Variants in GMEB2 observed in about 807,000 individuals in gnomAD.
GMEB2 encodes glucocorticoid modulatory element binding protein 2.
Under a neutral mutation model 45.7 loss-of-function variants are expected in GMEB2, and 7 were observed. That is an observed-to-expected ratio of 0.15 (90% confidence interval 0.09 to 0.29). The LOEUF (loss-of-function observed/expected upper bound fraction) is 0.29, where lower values mean the gene tolerates loss of function less well. GMEB2 is among the 10% of genes least tolerant of loss of function. The pLI is 1.00. For missense variants in GMEB2, 582 were observed against 739.2 expected (o/e 0.79, Z 2.47); for synonymous variants, 322 against 323.6 (o/e 1.00, Z 0.05).
At chr20:63,605,513 A>AC (rs2089511591) in intron 2 of GMEB2, among the ~76,000 whole-genome samples, 1 of 142,080 alleles carries the variant, frequency 7.0e-6, no homozygotes, top group African/African-American at 2.6e-5. Context: ...ACAGAGCAAG[A>AC]TGCCGTCAAA....
chr20:63,622,048 A>G (rs1166437993), intron 1 of GMEB2, among the ~76,000 whole-genome samples: 2 of 151,522 alleles, frequency 1.3e-5, no homozygotes, highest in African/African-American at 4.9e-5. Flanking sequence ...AGGATCACTT[A>G]AGCCCAGGAG....
intron 2 of GMEB2, among the ~76,000 whole-genome samples, chr20:63,606,878 C>A (rs2089523603): frequency 6.6e-6 from 1 of 152,168 alleles, no homozygotes; most frequent in African/African-American, 2.4e-5. Flanking sequence ...AGGCCACTTT[C>A]CCCTAGAGAG....
rs142645771 is a variant in GMEB2, at chr20:63,604,667, C to A, written c.229+76G>T. ...AAGACCTTGTATATCTCTGGCTGTT[C>A]CTCATTTTGAGTGCAGGACTGTCCT... On this transcript the variant is annotated intron_variant, in intron 3 of 9. Transcript: ENST00000370077. The A allele has an allele frequency of 1.1e-3, 945 of 843,106 alleles. 5 individuals carry two copies. The African/African-American group carries it at 0.014, about 13-fold the overall frequency. 52.2% of individuals were successfully genotyped at this position (843,106 alleles called of 1,614,324 possible).
chr20:63,607,000 A>G (rs949909002), intron 2 of GMEB2, among the ~76,000 whole-genome samples: 6 of 152,084 alleles, frequency 3.9e-5, no homozygotes, highest in African/African-American at 1.2e-4. Context: ...TGAGGAGGGC[A>G]CTCCGCCTGC....
rs558095422 is a variant in GMEB2 at position 63,619,912 on chromosome 20, C to T, written c.-57-458G>A. 6.6e-6 allele frequency: 1 copy of T among 152,536 alleles called. No individual in the cohort carries two copies. The highest frequency in any genetic ancestry group is 2.1e-4 in the South Asian group (1 of 4,854). The allele number at this position is 152,536 out of a possible 1,614,324, so 9.4% of individuals were successfully genotyped here. Reference sequence around the variant, plus strand: ...AACGGGAAGGGAAACCCATTCAAGACAGAAAGAGAGGAGGGAAACGCCCTG... The same window carrying T: ...AACGGGAAGGGAAACCCATTCAAGATAGAAAGAGAGGAGGGAAACGCCCTG... On this transcript the variant is annotated intron_variant, in intron 1 of 9. Transcript: ENST00000370077. This position sits in a 1 kb window ranked among gnomAD's most constrained non-coding sequence, Gnocchi z 4.6.
intron 2 of GMEB2, among the ~76,000 whole-genome samples, chr20:63,609,891 C>G (rs1475152276): frequency 2.7e-4 from 41 of 149,912 alleles, no homozygotes; most frequent in African/African-American, 9.4e-4. Context: ...CCCCTCTGAC[C>G]CACACATCCA....
intron 3 of GMEB2, 21 bp from the exon 4 acceptor site, chr20:63,603,113 A>G: frequency 1.2e-6 from 2 of 1,613,316 alleles, no homozygotes; most frequent in Admixed American, 3.3e-5. Context: ...GCACATTGAC[A>G]GGGAAGGGTA....
Position 63,589,139 on chromosome 20 carries a change from G to A in GMEB2, c.*950C>T, listed in dbSNP as rs887794890. The A allele has an allele frequency of 1.8e-5, 7 of 398,930 alleles. No individual in the cohort carries two copies. Among genetic ancestry groups the A allele is most frequent in the African/African-American group, 1.4e-4 (7 of 48,580 alleles). 24.7% of individuals were successfully genotyped at this position (398,930 alleles called of 1,614,324 possible). On this transcript the variant is annotated 3_prime_UTR_variant, in exon 10 of 10. Transcript: ENST00000370077. ...CATGGGAATCCTCGACCTCCATAGTGACTGGTTCTGTTTATGCCTCTGCCC... is the reference window on the plus strand; with the variant it reads ...CATGGGAATCCTCGACCTCCATAGTAACTGGTTCTGTTTATGCCTCTGCCC...
rs1028664747 is a variant in GMEB2, at chr20:63,600,451, C to T, written c.357+2514G>A. Reference sequence around the variant, plus strand: ...GACTGCAGCAGGCCGGGCGCGGTGGCTCACGCCTGTAATCCCAGCACTTTG... The same window carrying T: ...GACTGCAGCAGGCCGGGCGCGGTGGTTCACGCCTGTAATCCCAGCACTTTG... On this transcript the variant is annotated intron_variant, in intron 4 of 9. Transcript: ENST00000370077. 2.0e-5 allele frequency among the ~76,000 whole-genome samples: 3 copies of T among 151,694 alleles called. No individual in the cohort carries two copies. The South Asian group carries it at 6.3e-4, about 32-fold the overall frequency.
intron 2 of GMEB2, among the ~76,000 whole-genome samples, chr20:63,613,726 A>G (rs1164112037): frequency 6.6e-6 from 1 of 151,980 alleles, no homozygotes; most frequent in Non-Finnish European, 1.5e-5. Flanking sequence ...TGTTGGCCAG[A>G]CTGGTCTCAA....
At chr20:63,595,507 T>G (rs2083188548) in intron 6 of GMEB2, 103 bp downstream of exon 6, 1 of 1,084,066 alleles carries the variant, frequency 9.2e-7, no homozygotes, top group Non-Finnish European at 1.3e-6. Flanking sequence ...AGTCCTGGCG[T>G]GAGCAAACGC....
intron 2 of GMEB2, among the ~76,000 whole-genome samples, chr20:63,609,485 C>CA (rs56151537): frequency 0.19 from 5,945 of 31,230 alleles, 725 homozygotes; most frequent in Non-Finnish European, 0.34. Flanking sequence ...CCCTCTGACC[C>CA]CACATCCATT....
At chr20:63,624,924 T>C (rs2089660941) in intron 1 of GMEB2, among the ~76,000 whole-genome samples, 1 of 151,996 alleles carries the variant, frequency 6.6e-6, no homozygotes, top group South Asian at 2.1e-4. Flanking sequence ...GCCAGGACAG[T>C]CTCGATCTCC....
At chr20:63,606,659 T>G (rs2089522048) in intron 2 of GMEB2, among the ~76,000 whole-genome samples, 1 of 152,126 alleles carries the variant, frequency 6.6e-6, no homozygotes, top group African/African-American at 2.4e-5. Context: ...CACAAACAAT[T>G]TTTTAAGAAA....
intron 1 of GMEB2, among the ~76,000 whole-genome samples, chr20:63,622,091 T>G (rs1043291230): frequency 6.6e-6 from 1 of 152,036 alleles, no homozygotes; most frequent in Non-Finnish European, 1.5e-5. Context: ...GTTGTGCCAC[T>G]GCGCTCCAGC....
intron 9 of GMEB2, 58 bp from the exon 10 acceptor site, chr20:63,590,787 A>C: frequency 9.8e-7 from 1 of 1,023,468 alleles, no homozygotes; most frequent in Non-Finnish European, 1.4e-6. Context: ...GGCGGCATGC[A>C]GGGGATGGGG....
intron 1 of GMEB2, among the ~76,000 whole-genome samples, chr20:63,622,705 C>T (rs978899705): frequency 1.3e-5 from 2 of 152,282 alleles, no homozygotes; most frequent in East Asian, 3.9e-4. Context: ...TCCTGGGCCA[C>T]CAATCGCAAA....
intron 1 of GMEB2, among the ~76,000 whole-genome samples, chr20:63,626,286 CGGGT>C (rs2089671557): frequency 1.8e-5 from 1 of 57,034 alleles, no homozygotes; most frequent in African/African-American, 5.2e-5. Flanking sequence ...CCCTGCGGGT[CGGGT>C]GCCTGCGGGG....
rs2083168420 is a variant in GMEB2, at chr20:63,593,495, G to A, written c.620-413C>T. On this transcript the variant is annotated intron_variant, in intron 6 of 9. Coordinates refer to ENST00000370077, the MANE Select transcript of GMEB2 (RefSeq NM_012384.5). This position sits in a 1 kb window ranked among gnomAD's most constrained non-coding sequence, Gnocchi z 4.7. ...GCTGCGTCTGTCGCCCGTGGGGCTC[G>A]CCCTCACCTCGCCTCTTCAAGTGAT... Among the ~76,000 whole-genome samples the A allele has an allele frequency of 6.6e-6, 1 of 151,250 alleles. No individual in the cohort carries two copies. Among genetic ancestry groups the A allele is most frequent in the East Asian group, 1.9e-4 (1 of 5,146 alleles).
Sources: allele counts gnomAD v4.1 joint callset (sites outside exome capture counted in the v4.1 genomes callset), GRCh38; gene constraint gnomAD v4.1.1; non-coding constraint Gnocchi (gnomAD v3.1); transcripts MANE v1.5; gene names NCBI Gene and HGNC (gene_info 2026-07-23, HGNC 2026-07-21).